The following DNAH3 variants were observed in gnomAD, a reference collection of about 807,000 sequenced individuals.
The protein encoded by DNAH3 is axonemal beta dynein heavy chain 3.
A neutral mutation model predicts 432.5 loss-of-function variants in DNAH3; 332 were observed. The ratio of observed to expected loss-of-function variants is 0.77; its 90% confidence interval spans 0.70 to 0.84. The LOEUF (loss-of-function observed/expected upper bound fraction) is 0.84. Ranked by LOEUF, DNAH3 falls within the 40% of genes least tolerant of loss-of-function variation. The pLI, the probability that DNAH3 is intolerant of heterozygous loss-of-function variation, is 0.00. For missense variants in DNAH3, 4,861 were observed against 5,114.0 expected (o/e 0.95, Z 1.51); for synonymous variants, 1,956 against 1,900.2 (o/e 1.03, Z -0.76).
intron 24 of DNAH3, among the ~76,000 whole-genome samples, chr16:21,066,116 G>A (rs1483487004): frequency 3.3e-5 from 5 of 151,542 alleles, no homozygotes; most frequent in African/African-American, 9.7e-5. Flanking sequence ...ATAAGCCACC[G>A]TGCTCAGTCA....
intron 25 of DNAH3, 103 bp from the exon 26 acceptor site, chr16:21,060,459 C>A (rs182737054): frequency 2.5e-6 from 2 of 800,208 alleles, no homozygotes; most frequent in Non-Finnish European, 4.2e-6. Flanking sequence ...TGGAGGGATG[C>A]CAAAGGCTTG....
intron 37 of DNAH3, among the ~76,000 whole-genome samples, chr16:21,030,269 A>G (rs1189690400): frequency 6.6e-6 from 1 of 152,208 alleles, no homozygotes; most frequent in Non-Finnish European, 1.5e-5. Context: ...ATAGCTCTTA[A>G]TATCTTGGAA....
intron 5 of DNAH3, among the ~76,000 whole-genome samples, chr16:21,138,932 A>G (rs1203834106): frequency 6.6e-6 from 1 of 152,186 alleles, no homozygotes; most frequent in Non-Finnish European, 1.5e-5. Flanking sequence ...ACTTTCCGCA[A>G]CTGGACAATA....
At chr16:21,141,148 A>T in intron 4 of DNAH3, 152 bp downstream of exon 5, 1 of 652,012 alleles carries the variant, frequency 1.5e-6, no homozygotes, top group Non-Finnish European at 2.6e-6. Context: ...CAAAAAAAAA[A>T]ATTTTTTTTT....
chr16:20,979,694 G>A (rs1597033870), intron 49 of DNAH3, 148 bp from the exon 50 acceptor site: 2 of 692,500 alleles, frequency 2.9e-6, no homozygotes, highest in East Asian at 2.7e-5. Flanking sequence ...CATGTCAACA[G>A]AGCTGAGGCA....
At chr16:20,981,073 A>G (rs1173845065) in intron 49 of DNAH3, among the ~76,000 whole-genome samples, 1 of 152,226 alleles carries the variant, frequency 6.6e-6, no homozygotes, top group East Asian at 1.9e-4. Context: ...AGTGGGCAGC[A>G]GGTCTAAAAA....
chr16:21,086,930 G>A (rs748417023), exon 19 of DNAH3: 5 of 1,614,174 alleles, frequency 3.1e-6, no homozygotes, highest in South Asian at 2.2e-5. Context: ...TATCGATCTT[G>A]ATCTTCACAT....
At chr16:21,051,131 T>C (rs964356608) in intron 29 of DNAH3, among the ~76,000 whole-genome samples, 2 of 152,174 alleles carry the variant, frequency 1.3e-5, no homozygotes, top group African/African-American at 4.8e-5. Context: ...TTTTACAATC[T>C]AAAAAACTCT....
At chr16:21,073,019 G>A (rs1292732260) in intron 21 of DNAH3, among the ~76,000 whole-genome samples, 11 of 151,982 alleles carry the variant, frequency 7.2e-5, no homozygotes, top group Non-Finnish European at 1.5e-4. Context: ...AAGGTCTAAG[G>A]TGTGCCTTAA....
chr16:20,988,345 C>CAT (rs1415464093), intron 44 of DNAH3, among the ~76,000 whole-genome samples: 4 of 152,212 alleles, frequency 2.6e-5, no homozygotes, highest in African/African-American at 4.8e-5. Context: ...AGATATAGAG[C>CAT]ATCTCCATAC....
intron 54 of DNAH3, among the ~76,000 whole-genome samples, chr16:20,956,786 C>T (rs1183309962): frequency 1.3e-5 from 2 of 152,072 alleles, no homozygotes; most frequent in Admixed American, 6.5e-5. Flanking sequence ...TGCAGTGGTG[C>T]AATCTCAGTT....
chr16:21,100,909 T>C (rs1299004315), intron 16 of DNAH3, among the ~76,000 whole-genome samples: 1 of 152,218 alleles, frequency 6.6e-6, no homozygotes, highest in Non-Finnish European at 1.5e-5. Flanking sequence ...AGCTCAGTGA[T>C]TACCTTAAAA....
chr16:21,119,601 C>CTT (rs1325757702), intron 11 of DNAH3, among the ~76,000 whole-genome samples: 5,066 of 143,086 alleles, frequency 0.035, 308 homozygotes, highest in African/African-American at 0.12. Context: ...AAAAAAAATT[C>CTT]TTTTTTTTTT....
At chr16:20,975,137 A>G (rs1365434086) in intron 51 of DNAH3, 96 bp downstream of exon 51, 1 of 1,452,516 alleles carries the variant, frequency 6.9e-7, no homozygotes, top group Non-Finnish European at 9.4e-7. Context: ...AGCCTTGCCT[A>G]CCCTTTCTGA....
chr16:21,099,290 ATGAATG>A (rs2091776249), intron 16 of DNAH3, among the ~76,000 whole-genome samples: 1 of 152,132 alleles, frequency 6.6e-6, no homozygotes, highest in Admixed American at 6.6e-5. Context: ...GGATGGATGG[ATGAATG>A]GATGGATGGT....
chr16:20,941,468 A>G (rs1162994316), exon 59 of DNAH3: 1 of 1,614,028 alleles, frequency 6.2e-7, no homozygotes, highest in African/African-American at 1.3e-5. Context: ...ACGGGGTACA[A>G]CTTCATGACC....
chr16:21,110,921 C>T (rs2092056289), intron 14 of DNAH3, among the ~76,000 whole-genome samples: 1 of 152,010 alleles, frequency 6.6e-6, no homozygotes. Context: ...AGGAGGATTG[C>T]TTGAATCTAG....
chr16:21,125,824 C>T (rs1238814575), intron 8 of DNAH3, among the ~76,000 whole-genome samples: 1 of 152,136 alleles, frequency 6.6e-6, no homozygotes, highest in African/African-American at 2.4e-5. Flanking sequence ...CCTGGCTGCT[C>T]AGAAGTTGAT....
At chr16:21,084,164 T>TG (rs904079158) in intron 19 of DNAH3, among the ~76,000 whole-genome samples, 11 of 152,200 alleles carry the variant, frequency 7.2e-5, no homozygotes, top group African/African-American at 2.6e-4. Context: ...ATCCGTGAAA[T>TG]GGAGATAATA....
Sources: allele counts gnomAD v4.1 joint callset (sites outside exome capture counted in the v4.1 genomes callset), GRCh38; gene constraint gnomAD v4.1.1; transcripts MANE v1.5; gene names NCBI Gene and HGNC (gene_info 2026-07-23, HGNC 2026-07-21).